ANKS1B: variants seen among roughly 807,000 people sequenced by gnomAD.
The protein encoded by ANKS1B is ankyrin repeat and sterile alpha motif domain containing 1B.
A neutral mutation model predicts 148.3 loss-of-function variants in ANKS1B; 36 were observed. The ratio of observed to expected loss-of-function variants is 0.24; its 90% CI spans 0.19 to 0.32. The LOEUF (loss-of-function observed/expected upper bound fraction) is 0.32. Among genes scored for constraint, ANKS1B ranks in the 10% least tolerant of loss-of-function variants. ANKS1B has a pLI of 1.00. For missense variants in ANKS1B, 1,157 were observed against 1,542.6 expected, an observed-to-expected ratio of 0.75 and a Z score of 4.19; for synonymous variants, 542 against 560.8, an observed-to-expected ratio of 0.97 and a Z score of 0.47.
intron 1 of ANKS1B, among the ~76,000 whole-genome samples, chr12:99,968,799 G>A (rs1390246805): frequency 6.6e-6 from 1 of 152,156 alleles, no homozygotes; most frequent in Non-Finnish European, 1.5e-5. Context: ...GGTGATGACT[G>A]AGTTCTCCAA....
chr12:99,215,703 T>C (rs1344986490), intron 14 of ANKS1B, among the ~76,000 whole-genome samples: 3 of 152,242 alleles, frequency 2.0e-5, no homozygotes, highest in Admixed American at 1.3e-4. Context: ...GGCCAATTTC[T>C]CCAATTTGGA....
In ANKS1B at chr12:99,427,881, G is replaced by GT. The variant is rs1357534806; in HGVS notation, c.1575+15791dup. 3.9e-5 allele frequency among the ~76,000 whole-genome samples: 6 copies of GT among 152,284 alleles called. No individual in the cohort carries two copies. In the East Asian group the frequency reaches 1.2e-3, roughly 29 times the overall value. ...AAAAGAGGGAAATGCATTCTAGACT[G>GT]TATCGGAAAGGGTGCAAGAACAAGT... On this transcript the variant is annotated intron_variant, in intron 11 of 26. Transcript: ENST00000683438.
chr12:99,157,701 G>A (rs1006524846), intron 14 of ANKS1B, among the ~76,000 whole-genome samples: 2 of 152,058 alleles, frequency 1.3e-5, no homozygotes, highest in African/African-American at 2.4e-5. Context: ...ATTACATAAT[G>A]GGTACAGTGT....
chr12:99,887,600 A>G (rs2092896535), intron 1 of ANKS1B, among the ~76,000 whole-genome samples: 2 of 152,182 alleles, frequency 1.3e-5, no homozygotes, highest in African/African-American at 4.8e-5. Context: ...ATACACACAG[A>G]GTGACTTTGC....
At chr12:99,122,518 T>A (rs560000502) in intron 15 of ANKS1B, among the ~76,000 whole-genome samples, 1 of 152,242 alleles carries the variant, frequency 6.6e-6, no homozygotes, top group Non-Finnish European at 1.5e-5. Flanking sequence ...GAGTAACTAA[T>A]ACAATTCCCT....
intron 1 of ANKS1B, among the ~76,000 whole-genome samples, chr12:99,909,217 CGTGTGTGTGTGTGTGTGTGTGTGTGT>C (rs60264932): frequency 7.3e-6 from 1 of 137,314 alleles, no homozygotes; most frequent in Non-Finnish European, 1.6e-5. Context: ...AATATTCCAT[CGTGTGTGTGTGTGTGTGTGTGTGTGT>C]GTGTGTGTGT....
chr12:98,831,756 A>G (rs2099317661), intron 18 of ANKS1B: 1 of 390,554 alleles, frequency 2.6e-6, no homozygotes, highest in African/African-American at 2.0e-5. Flanking sequence ...ATAAAACTAC[A>G]TAAAATAATT....
chr12:98,937,199 G>A (rs917527377), intron 17 of ANKS1B, among the ~76,000 whole-genome samples: 1 of 152,044 alleles, frequency 6.6e-6, no homozygotes, highest in African/African-American at 2.4e-5. Flanking sequence ...TTTAAAATTT[G>A]TTCTTTTAAA....
chr12:98,985,074 G>T (rs1207254454), intron 17 of ANKS1B, among the ~76,000 whole-genome samples: 3 of 152,004 alleles, frequency 2.0e-5, no homozygotes, highest in Non-Finnish European at 4.4e-5. Context: ...TATGTGGTTT[G>T]GCTTTTATTT....
At chr12:99,960,844 G>A (rs2095401082) in intron 1 of ANKS1B, among the ~76,000 whole-genome samples, 1 of 152,140 alleles carries the variant, frequency 6.6e-6, no homozygotes, top group East Asian at 1.9e-4. Context: ...TTTACTATTG[G>A]AAACTCCTGG....
chr12:99,697,921 A>T (rs1478712329), intron 8 of ANKS1B, among the ~76,000 whole-genome samples: 1 of 152,124 alleles, frequency 6.6e-6, no homozygotes, highest in East Asian at 1.9e-4. Context: ...TAATTTTTTT[A>T]AATCTATAAG....
intron 9 of ANKS1B, among the ~76,000 whole-genome samples, chr12:99,539,854 C>G (rs191346191): frequency 2.2e-3 from 333 of 152,122 alleles, no homozygotes; most frequent in African/African-American, 7.0e-3. Flanking sequence ...AGATTACAGA[C>G]AAGCCACTGA....
At chr12:99,950,450 C>T (rs998069520) in intron 1 of ANKS1B, among the ~76,000 whole-genome samples, 5 of 151,932 alleles carry the variant, frequency 3.3e-5, no homozygotes, top group Non-Finnish European at 4.4e-5. Context: ...TTCCTTTCCC[C>T]GTATGAATAT....
At chr12:99,302,789 T>C (rs547619573) in intron 12 of ANKS1B, among the ~76,000 whole-genome samples, 3 of 152,298 alleles carry the variant, frequency 2.0e-5, no homozygotes, top group Non-Finnish European at 2.9e-5. Flanking sequence ...TATAAAGTTA[T>C]GAATACAAAC....
intron 1 of ANKS1B, among the ~76,000 whole-genome samples, chr12:99,954,994 A>G (rs527829346): frequency 2.8e-4 from 43 of 152,106 alleles, no homozygotes; most frequent in Non-Finnish European, 4.7e-4. Flanking sequence ...GTCTGCCTTG[A>G]CCATTGAGAC....
chr12:98,950,124 G>A (rs770877488), intron 17 of ANKS1B, among the ~76,000 whole-genome samples: 9 of 152,322 alleles, frequency 5.9e-5, no homozygotes, highest in East Asian at 5.8e-4. Flanking sequence ...CATTAAGACC[G>A]TAGGTCAGGT....
At chr12:98,763,425 G>A (rs2098438974) in intron 25 of ANKS1B, among the ~76,000 whole-genome samples, 1 of 152,162 alleles carries the variant, frequency 6.6e-6, no homozygotes. Flanking sequence ...ATGTCTATCT[G>A]GGGCAAGATG....
Position 98,932,226 on chromosome 12 carries a change from G to C in ANKS1B, c.2779-100090C>G, listed in dbSNP as rs568787858. On this transcript the variant is annotated intron_variant, in intron 17 of 26. Coordinates refer to ENST00000683438, the MANE Select transcript of ANKS1B (RefSeq NM_001352186.2). ...TAGGCAGCACTTTCCAATCAGCCCT[G>C]CAGCTCCACCTCTGAGAATTCTTCA... is the stretch of plus-strand genomic sequence containing the variant. Among the ~76,000 whole-genome samples, 6 of 152,212 alleles carry C rather than the reference G, an allele frequency of 3.9e-5. No homozygotes were observed. The East Asian group carries it at 7.7e-4, about 20-fold the overall frequency.
At chr12:99,812,829 C>T (rs889478575) in intron 2 of ANKS1B, among the ~76,000 whole-genome samples, 1 of 151,098 alleles carries the variant, frequency 6.6e-6, no homozygotes, top group Non-Finnish European at 1.5e-5. Flanking sequence ...ACCAAGGAGG[C>T]ATTTATAAAA....
Sources: gnomAD v4.1 joint callset for allele counts (sites outside exome capture counted in the v4.1 genomes callset) on GRCh38, gnomAD v4.1.1 for gene constraint, MANE v1.5 for transcripts, NCBI Gene and HGNC (gene_info 2026-07-23, HGNC 2026-07-21) for gene names.